The following TFAP2D variants were observed in gnomAD, a reference collection of about 807,000 sequenced individuals.
The protein encoded by TFAP2D is transcription factor AP-2 delta, also known as transcription factor AP-2-delta.
Under a neutral mutation model 43.6 loss-of-function variants are expected in TFAP2D, and 9 were observed. The observed-to-expected ratio is 0.21, with a 90% CI of 0.12 to 0.36. The LOEUF (loss-of-function observed/expected upper bound fraction) is 0.36, where lower values mean the gene tolerates loss of function less well. Among genes scored for constraint, TFAP2D ranks in the 10% least tolerant of loss-of-function variants. TFAP2D has a pLI of 1.00. For missense variants in TFAP2D, 513 were observed against 561.4 expected, an observed-to-expected ratio of 0.91 and a Z score of 0.87; for synonymous variants, 256 against 224.9, an observed-to-expected ratio of 1.14 and a Z score of -1.24.
chr6:50,772,239 C>T (rs1581782531), intron 7 of TFAP2D, among the ~76,000 whole-genome samples: 1 of 150,822 alleles, frequency 6.6e-6, no homozygotes, highest in Non-Finnish European at 1.5e-5. Flanking sequence ...CGGGGCCTGT[C>T]ATGGGGTGGG....
At chr6:50,737,071 C>T (rs1232178499) in intron 5 of TFAP2D, among the ~76,000 whole-genome samples, 2 of 152,120 alleles carry the variant, frequency 1.3e-5, no homozygotes, top group Admixed American at 1.3e-4. Flanking sequence ...GCCTCTACCT[C>T]CTAGACTCAA....
chr6:50,716,640 C>A (rs1174681217), intron 2 of TFAP2D, among the ~76,000 whole-genome samples: 1 of 152,172 alleles, frequency 6.6e-6, no homozygotes, highest in Non-Finnish European at 1.5e-5. Flanking sequence ...AGGCATATTT[C>A]AAACAAATGA....
At chr6:50,755,653 G>A (rs976281101) in intron 7 of TFAP2D, among the ~76,000 whole-genome samples, 1 of 151,768 alleles carries the variant, frequency 6.6e-6, no homozygotes, top group Admixed American at 6.6e-5. Flanking sequence ...AAGTGTTACT[G>A]AGAATTCTAT....
At chr6:50,748,533 G>A (rs962909260) in intron 6 of TFAP2D, among the ~76,000 whole-genome samples, 2 of 151,794 alleles carry the variant, frequency 1.3e-5, no homozygotes, top group Admixed American at 1.3e-4. Context: ...GTATACAATT[G>A]TATAAAGGGC....
intron 3 of TFAP2D, among the ~76,000 whole-genome samples, chr6:50,723,685 T>A (rs1315692247): frequency 2.0e-5 from 3 of 152,146 alleles, no homozygotes. Context: ...TTGTTGGAAA[T>A]CTTTGTGGGC....
chr6:50,767,726 A>G (rs1769464294), intron 7 of TFAP2D, among the ~76,000 whole-genome samples: 1 of 152,226 alleles, frequency 6.6e-6, no homozygotes, highest in South Asian at 2.1e-4. Context: ...AGAAATAGGA[A>G]TAACGGTCAT....
intron 5 of TFAP2D, among the ~76,000 whole-genome samples, chr6:50,733,958 T>TTC (rs956491721): frequency 7.3e-5 from 11 of 151,128 alleles, no homozygotes; most frequent in African/African-American, 2.4e-4. Context: ...GAAGATCAAA[T>TTC]TCTCTCTCTC....
Position 50,729,511 on chromosome 6 carries a change from A to G in TFAP2D, c.883+199A>G, listed in dbSNP as rs183137281. ...TAGATAATTCATAAAATATCATTTA[A>G]TTTACTAATCTTGGTAGTAATAGGA... is the stretch of plus-strand genomic sequence containing the variant. On this transcript the variant is annotated intron_variant, in intron 5 of 7. Transcript: ENST00000008391. Among the ~76,000 whole-genome samples, 445 of 152,336 alleles carry G rather than the reference A, an allele frequency of 2.9e-3. 2 individuals carry two copies. Among genetic ancestry groups the G allele is most frequent in the African/African-American group, 9.7e-3 (404 of 41,582 alleles).
At chr6:50,761,058 A>C (rs1769355400) in intron 7 of TFAP2D, among the ~76,000 whole-genome samples, 1 of 151,672 alleles carries the variant, frequency 6.6e-6, no homozygotes, top group Non-Finnish European at 1.5e-5. Flanking sequence ...TCTTCCATTT[A>C]AATCTTACTG....
chr6:50,756,660 G>A (rs768470490), intron 7 of TFAP2D, among the ~76,000 whole-genome samples: 2 of 152,004 alleles, frequency 1.3e-5, no homozygotes, highest in Admixed American at 6.6e-5. Flanking sequence ...ATGACAGAAG[G>A]CAGACTTATT....
At chr6:50,753,694 T>C (rs916042894) in intron 7 of TFAP2D, among the ~76,000 whole-genome samples, 4 of 151,942 alleles carry the variant, frequency 2.6e-5, no homozygotes, top group African/African-American at 9.7e-5. Flanking sequence ...TGCATAACCA[T>C]ATCTTAAAAC....
chr6:50,716,428 GA>G (rs910621424), intron 2 of TFAP2D, among the ~76,000 whole-genome samples: 2 of 150,544 alleles, frequency 1.3e-5, no homozygotes, highest in African/African-American at 4.9e-5. Context: ...ATGAAAGAGG[GA>G]AAAAATAAAG....
At chr6:50,730,434 C>A (rs372624579) in intron 5 of TFAP2D, among the ~76,000 whole-genome samples, 2 of 151,868 alleles carry the variant, frequency 1.3e-5, no homozygotes, top group Non-Finnish European at 2.9e-5. Context: ...TGTTTGCCTG[C>A]GTGTGCTGGT....
intron 3 of TFAP2D, among the ~76,000 whole-genome samples, chr6:50,719,969 G>A (rs990241019): frequency 2.6e-5 from 4 of 152,196 alleles, no homozygotes; most frequent in African/African-American, 9.7e-5. Flanking sequence ...GAGCCTTAAG[G>A]CAGTGCAGAT....
chr6:50,740,820 T>G (rs1769033453), intron 5 of TFAP2D, among the ~76,000 whole-genome samples: 1 of 152,202 alleles, frequency 6.6e-6, no homozygotes, highest in South Asian at 2.1e-4. Context: ...CATTTAAACC[T>G]GCTTCTTATA....
intron 3 of TFAP2D, among the ~76,000 whole-genome samples, chr6:50,719,490 A>AAAGAAAGAAAGAAAGGAAGAAAGAAAGG (rs1768684800): frequency 7.2e-6 from 1 of 139,226 alleles, no homozygotes; most frequent in African/African-American, 2.5e-5. Context: ...AGAAAGAAAG[A>AAAGAAAGAAAGAAAGGAAGAAAGAAAGG]AAGAAAGAAA....
intron 5 of TFAP2D, among the ~76,000 whole-genome samples, chr6:50,734,585 T>C (rs908472780): frequency 1.3e-5 from 2 of 152,090 alleles, no homozygotes; most frequent in African/African-American, 4.8e-5. Context: ...ATCCTATTCA[T>C]TTAGCTCACA....
chr6:50,766,622 A>G (rs571921290), intron 7 of TFAP2D, among the ~76,000 whole-genome samples: 10 of 103,834 alleles, frequency 9.6e-5, no homozygotes, highest in African/African-American at 3.4e-4. Context: ...TTTTGATACT[A>G]TTTATTCCTT....
chr6:50,748,896 A>G lies in TFAP2D; in HGVS notation c.1026-2315A>G, dbSNP rs115594892. 3.9e-3 allele frequency among the ~76,000 whole-genome samples: 598 copies of G among 152,014 alleles called. 2 individuals carry two copies. Among genetic ancestry groups the G allele is most frequent in the Non-Finnish European group, 6.7e-3 (456 of 67,818 alleles). The stretch of plus-strand genomic sequence containing the variant: ...TTACGTCCTTAAGGACAATGATGTA[A>G]GTGATAAAGTTAGAATGTATGATTC... On this transcript the variant is annotated intron_variant, in intron 6 of 7. Coordinates refer to ENST00000008391, the MANE Select transcript of TFAP2D (RefSeq NM_172238.4).
Sources: gnomAD v4.1 joint callset for allele counts (sites outside exome capture counted in the v4.1 genomes callset) on GRCh38, gnomAD v4.1.1 for gene constraint, MANE v1.5 for transcripts, NCBI Gene and HGNC (gene_info 2026-07-23, HGNC 2026-07-21) for gene names.